CAMSAP1: variants seen among roughly 807,000 people sequenced by gnomAD.
The protein encoded by CAMSAP1 is calmodulin regulated spectrin associated protein 1.
A neutral mutation model predicts 143.5 loss-of-function variants in CAMSAP1; 58 were observed. That is an observed-to-expected ratio of 0.40 (90% confidence interval 0.33 to 0.50). The LOEUF (loss-of-function observed/expected upper bound fraction) is 0.50. Ranked by LOEUF, CAMSAP1 falls within the 20% of genes least tolerant of loss-of-function variation. The probability of loss-of-function intolerance (pLI) is 0.45; values close to 1 mark genes in which losing one functional copy is unlikely to be tolerated. For synonymous variants in CAMSAP1, 945 were observed against 859.3 expected (o/e 1.10, Z -1.74); for missense variants, 1,969 against 2,115.7 (o/e 0.93, Z 1.36).
chr9:135,867,475 C>CCCCCCT lies in CAMSAP1; in HGVS notation c.586-940_586-939insAGGGGG, dbSNP rs1491489651. 3.3e-4 allele frequency among the ~76,000 whole-genome samples: 48 copies of CCCCCCT among 145,338 alleles called. 1 individual carries two copies. The highest frequency in any genetic ancestry group is 1.1e-3 in the South Asian group (5 of 4,588). ...GCCTAGGCAACACAGCAAGACCCCC[C>CCCCCCT]TCTTTTTTTTTTTTAAAAAAAAAGT... is the stretch of plus-strand genomic sequence containing the variant. On this transcript the variant is annotated intron_variant, in intron 3 of 16. Transcript: ENST00000389532.
At chr9:135,844,233 G>C (rs1264355346) in intron 7 of CAMSAP1, among the ~76,000 whole-genome samples, 4 of 152,148 alleles carry the variant, frequency 2.6e-5, no homozygotes. Context: ...CCAAAGAACG[G>C]AAATCATAAC....
At chr9:135,845,749 G>A (rs2130887956) in intron 7 of CAMSAP1, among the ~76,000 whole-genome samples, 1 of 152,252 alleles carries the variant, frequency 6.6e-6, no homozygotes, top group East Asian at 1.9e-4. Context: ...CAAATCATGA[G>A]TGAACTCTCA....
chr9:135,811,642 A>AAC lies in CAMSAP1; in HGVS notation c.4507-33_4507-32dup. The AAC allele has an allele frequency of 6.4e-7, 1 of 1,554,914 alleles. No individual in the cohort carries two copies. The highest frequency in any genetic ancestry group is 1.4e-5 in the African/African-American group (1 of 73,406). On this transcript the variant is annotated intron_variant, in intron 16 of 16. Coordinates refer to ENST00000389532, the MANE Select transcript of CAMSAP1 (RefSeq NM_015447.4). This position sits in a 1 kb window ranked among gnomAD's most constrained non-coding sequence, Gnocchi z 4.9. ...CAGAGAGAGAAAAGGGGAAGAGACAAACACTTCAGGGCCACTCCAATTGCC... is the reference window on the plus strand; with the variant it reads ...CAGAGAGAGAAAAGGGGAAGAGACAAACACACTTCAGGGCCACTCCAATTGCC...
In CAMSAP1 at chr9:135,871,543, T is replaced by C. The variant is rs190568840; in HGVS notation, c.586-5007A>G. On this transcript the variant is annotated intron_variant, in intron 3 of 16. Transcript: ENST00000389532. ...CACTAAAACATTGTTAGTATTAACA[T>C]GAAATCAACTTACTGTTATTTTTAA... Among the ~76,000 whole-genome samples, 180 of 152,318 alleles carry C rather than the reference T, an allele frequency of 1.2e-3. 2 individuals are homozygous for C. The Middle Eastern group carries it at 0.024, about 20-fold the overall frequency.
At position 135,823,235 on chromosome 9, in the gene CAMSAP1, CA is replaced by C; in HGVS notation, c.1425del (p.Phe475LeufsTer37). On this transcript the variant is annotated frameshift_variant, in exon 11 of 17. Coordinates refer to ENST00000389532, the MANE Select transcript of CAMSAP1 (RefSeq NM_015447.4). LOFTEE classifies it high-confidence loss of function. Reference protein sequence around the residue: ...KTRPASQPTPFALHHAASCEV... With the variant: ...KTRPASQPTPXALHHAASCEV... Reference sequence around the variant, plus strand: ...TCACAACTCGCAGCGTGATGTAGAGCAAAAGGTGTTGGCTGGGACGCAGGCC... The same window carrying C: ...TCACAACTCGCAGCGTGATGTAGAGCAAAGGTGTTGGCTGGGACGCAGGCC... 6.4e-7 allele frequency: 1 copy of C among 1,559,362 alleles called. No individual in the cohort carries two copies. Among genetic ancestry groups the C allele is most frequent in the Non-Finnish European group, 8.7e-7 (1 of 1,151,644 alleles).
intron 1 of CAMSAP1, among the ~76,000 whole-genome samples, chr9:135,896,785 T>C (rs1838469347): frequency 6.6e-6 from 1 of 152,182 alleles, no homozygotes; most frequent in African/African-American, 2.4e-5. Flanking sequence ...CCCTGCAAAA[T>C]TCACACGGCA....
chr9:135,843,242 G>A (rs573657773), intron 7 of CAMSAP1, among the ~76,000 whole-genome samples: 271 of 152,116 alleles, frequency 1.8e-3, no homozygotes, highest in Non-Finnish European at 3.2e-3. Flanking sequence ...CAGGAGAATC[G>A]CTTGAACCCG....
intron 3 of CAMSAP1, among the ~76,000 whole-genome samples, chr9:135,880,539 G>T (rs1837908642): frequency 6.6e-6 from 1 of 151,190 alleles, no homozygotes; most frequent in African/African-American, 2.5e-5. Flanking sequence ...CAGCTCAAGA[G>T]CAGGGCAACT....
intron 1 of CAMSAP1, among the ~76,000 whole-genome samples, chr9:135,904,291 C>T (rs969909478): frequency 6.8e-6 from 1 of 147,250 alleles, no homozygotes; most frequent in African/African-American, 2.5e-5. Flanking sequence ...CCCAACTACT[C>T]GGGAGGCTGA....
At chr9:135,849,883 T>A in intron 7 of CAMSAP1, 1 of 359,580 alleles carries the variant, frequency 2.8e-6, no homozygotes, top group Non-Finnish European at 5.0e-6. Flanking sequence ...TTGTTCATTC[T>A]GGAGGTGAGA....
chr9:135,836,905 C>A, intron 7 of CAMSAP1: 1 of 983,560 alleles, frequency 1.0e-6, no homozygotes. Context: ...ACCCATTCTA[C>A]AGACACACGT....
In CAMSAP1 at chr9:135,882,536, T is replaced by A. The variant is rs1837993682; in HGVS notation, c.423+280A>T. ...ATTTCTCATCTGTAAAAAGTCTGCT[T>A]CAAGTATTTTTATTAACAGGCCTCA... On this transcript the variant is annotated intron_variant, in intron 2 of 16. Transcript: ENST00000389532. This position sits in a 1 kb window ranked among gnomAD's most constrained non-coding sequence, Gnocchi z 4.9. Among the ~76,000 whole-genome samples the A allele has an allele frequency of 1.3e-5, 2 of 152,182 alleles. No individual in the cohort carries two copies. Among genetic ancestry groups the A allele is most frequent in the African/African-American group, 2.4e-5 (1 of 41,448 alleles).
At chr9:135,881,912 C>T (rs1353663260) in intron 2 of CAMSAP1, 118 bp from the exon 3 acceptor site, 2 of 1,227,086 alleles carry the variant, frequency 1.6e-6, no homozygotes, top group African/African-American at 1.5e-5. Context: ...TCGCCCTTTC[C>T]GTCTGAAGAG....
rs750318763 is a variant in CAMSAP1, at chr9:135,819,096, G to A, written c.3873C>T (p.Leu1291=). The A allele has an allele frequency of 3.1e-6, 5 of 1,602,668 alleles. No individual in the cohort carries two copies. The highest frequency in any genetic ancestry group is 2.3e-5 in the East Asian group (1 of 44,314). The change falls in exon 12 of 17, where the codon CTC becomes CTT. Residue 1291 remains leucine, a synonymous_variant. Transcript: ENST00000389532. The stretch of plus-strand genomic sequence containing the variant: ...CCTCGGCCTTGCGCTGCTGCTTCAG[G>A]AGGAAGGCCGCCCGCTTCTTGGCGA... ...DELAKKRAAF[L]LKQQRKAEEA...
At chr9:135,847,629 C>T (rs1836603243) in intron 7 of CAMSAP1, among the ~76,000 whole-genome samples, 1 of 149,752 alleles carries the variant, frequency 6.7e-6, no homozygotes, top group African/African-American at 2.5e-5. Context: ...ACCGCATGTT[C>T]TTACTCATAA....
At position 135,824,499 on chromosome 9, in the gene CAMSAP1, T is replaced by C. The variant is rs1266621310; in HGVS notation, c.1315+290A>G. Among the ~76,000 whole-genome samples the C allele has an allele frequency of 6.6e-6, 1 of 152,130 alleles. No individual in the cohort carries two copies. The highest frequency in any genetic ancestry group is 1.9e-4 in the East Asian group (1 of 5,196). ...GGCCGACATGATGAAACCCTGTCTC[T>C]ACTAAAAATACAAAAATTAACTGAG... On this transcript the variant is annotated intron_variant, in intron 9 of 16. Transcript: ENST00000389532. This position sits in a 1 kb window ranked among gnomAD's most constrained non-coding sequence, Gnocchi z 4.1.
intron 3 of CAMSAP1, 52 bp from the exon 4 acceptor site, chr9:135,866,588 G>A: frequency 2.4e-6 from 2 of 846,094 alleles, no homozygotes; most frequent in Non-Finnish European, 3.9e-6. Flanking sequence ...CCGCACAATT[G>A]TATCTCCACA....
chr9:135,827,814 TGA>T (rs1282503200), intron 7 of CAMSAP1, among the ~76,000 whole-genome samples: 1 of 152,136 alleles, frequency 6.6e-6, no homozygotes, highest in Non-Finnish European at 1.5e-5. Flanking sequence ...GAAGAAGAAC[TGA>T]GAGGAAATGT....
At chr9:135,886,353 C>G (rs985181505) in intron 1 of CAMSAP1, among the ~76,000 whole-genome samples, 4 of 152,050 alleles carry the variant, frequency 2.6e-5, no homozygotes, top group African/African-American at 9.7e-5. Context: ...GCAGGAGACA[C>G]CAGTCCCGCA....
Sources: gnomAD v4.1 joint callset for allele counts (sites outside exome capture counted in the v4.1 genomes callset) on GRCh38, gnomAD v4.1.1 for gene constraint, Gnocchi (gnomAD v3.1) non-coding constraint, MANE v1.5 for transcripts, NCBI Gene and HGNC (gene_info 2026-07-23, HGNC 2026-07-21) for gene names.